The following ABCA3 variants were observed in gnomAD, a reference collection of about 807,000 sequenced individuals.
ABCA3 encodes the protein ATP binding cassette subfamily A member 3.
A neutral mutation model predicts 172.8 loss-of-function variants in ABCA3; 88 were observed. The observed-to-expected ratio is 0.51, with a 90% CI of 0.43 to 0.61. ABCA3 has a LOEUF of 0.61. ABCA3 is among the 20% of genes least tolerant of loss of function. ABCA3 has a pLI of 0.00. For missense variants in ABCA3, 2,164 were observed against 2,301.0 expected, an observed-to-expected ratio of 0.94 and a Z score of 1.22; for synonymous variants, 1,066 against 983.8, an observed-to-expected ratio of 1.08 and a Z score of -1.56.
chr16:2,324,852 C>T (rs1051222016), intron 5 of ABCA3, among the ~76,000 whole-genome samples: 29 of 152,082 alleles, frequency 1.9e-4, no homozygotes, highest in Non-Finnish European at 2.9e-4. Context: ...CTCTGCAGCC[C>T]GGGGTGGCTT....
In ABCA3 at chr16:2,288,051, C is replaced by T; in HGVS notation, c.2979G>A (p.Glu993=). The T allele has an allele frequency of 6.2e-7, 1 of 1,610,848 alleles. No homozygotes were observed. The highest frequency in any genetic ancestry group is 8.5e-7 in the Non-Finnish European group (1 of 1,180,012). ...CGAGCACCTCGCGGGGCTCCTGTCC[C>T]TCAGCCTGCAGTGCGTCTTTCAGAT... The part of the protein sequence containing the change: ...SEHLKDALQA[E]GQEPREVLGD... The change falls in exon 21 of 33, where the codon GAG becomes GAA. Residue 993 remains glutamate, a synonymous_variant. Coordinates refer to ENST00000301732, the MANE Select transcript of ABCA3 (RefSeq NM_001089.3).
Position 2,297,290 on chromosome 16 carries a change from A to G in ABCA3, c.2263+39T>C. On this transcript the variant is annotated intron_variant, in intron 17 of 32. Coordinates refer to ENST00000301732, the MANE Select transcript of ABCA3 (RefSeq NM_001089.3). This position sits in a 1 kb window ranked among gnomAD's most constrained non-coding sequence, Gnocchi z 5.6. Reference sequence around the variant, plus strand: ...CAGCCATTCCCTCAGCACGGCAGCCAGGACACCGACCCTGTCGCGGGCTGG... The same window carrying G: ...CAGCCATTCCCTCAGCACGGCAGCCGGGACACCGACCCTGTCGCGGGCTGG... 1 of 1,602,884 alleles carries G rather than the reference A, an allele frequency of 6.2e-7. No individual in the cohort carries two copies. Among genetic ancestry groups the G allele is most frequent in the Non-Finnish European group, 8.5e-7 (1 of 1,177,664 alleles).
At chr16:2,312,531 CTTT>C (rs201356602) in intron 10 of ABCA3, among the ~76,000 whole-genome samples, 5 of 139,694 alleles carry the variant, frequency 3.6e-5, no homozygotes, top group Non-Finnish European at 1.6e-5. Flanking sequence ...TGGCATTTTT[CTTT>C]TTTTTTTTTT....
In ABCA3 at chr16:2,308,643, CG is replaced by C. The variant is rs773456703; in HGVS notation, c.1112-21del. ...TGTTGGCTGCAGGTGTTGGAAGACCCGGGGGGCGTGAGCGTCAGTGCCCTCA... is the reference window on the plus strand; with the variant it reads ...TGTTGGCTGCAGGTGTTGGAAGACCCGGGGGCGTGAGCGTCAGTGCCCTCA... On this transcript the variant is annotated intron_variant, in intron 10 of 32. Transcript: ENST00000301732. 1.2e-6 allele frequency: 2 copies of C among 1,613,054 alleles called. No homozygotes were observed. Among genetic ancestry groups the C allele is most frequent in the Non-Finnish European group, 1.7e-6 (2 of 1,179,590 alleles).
Position 2,289,433 on chromosome 16 carries a change from C to T in ABCA3, c.2700+1G>A, listed in dbSNP as rs1313534019. 1.9e-6 allele frequency: 3 copies of T among 1,576,922 alleles called. No homozygotes were observed. In the African/African-American group the frequency reaches 4.0e-5, roughly 21 times the overall value. ...ACCCGCCCACCCACCTGGGCACTCA[C>T]CCCAGTGTTGAGCTTGACAGCGGTG... On this transcript the variant is annotated splice_donor_variant, in intron 20 of 32. Transcript: ENST00000301732. LOFTEE classifies it high-confidence loss of function.
At chr16:2,329,887 T>G (rs1187038502) in intron 1 of ABCA3, 33 bp from the exon 2 acceptor site, 1 of 152,154 alleles carries the variant, frequency 6.6e-6, no homozygotes, top group Non-Finnish European at 1.5e-5. Flanking sequence ...TGAGTGTAAT[T>G]TGGAAAATAA....
rs2093686659 is a variant in ABCA3 at position 2,300,120 on chromosome 16, G to A, written c.1496C>T (p.Ala499Val). 6 of 1,613,132 alleles carry A rather than the reference G, an allele frequency of 3.7e-6. No homozygotes were observed. The East Asian group carries it at 8.9e-5, about 24-fold the overall frequency. Reference protein sequence around the residue: ...MPSYWCGKPRAVAGKEEEDSD... With the variant: ...MPSYWCGKPRVVAGKEEEDSD... ...GTCTTCTTCCTCCTTCCCTGCAACC[G>A]CCCTTGGCTTCCCACACCAATAGGA... Residue 499 changes from alanine to valine, a missense_variant, in exon 13 of 33, where the codon GCG becomes GTG. Physicochemically the swap from Ala to Val is moderately conservative, Grantham distance 64 (BLOSUM62 0). This residue lies in a region of ABCA3 where 1,343 missense variants were observed against 1,369.6 expected (regional missense o/e 0.98). Coordinates refer to ENST00000301732, the MANE Select transcript of ABCA3 (RefSeq NM_001089.3).
Position 2,281,356 on chromosome 16 carries a change from A to T in ABCA3, c.4164+25T>A. On this transcript the variant is annotated intron_variant, in intron 27 of 32. Transcript: ENST00000301732. The surrounding 1 kb of genome is among the most constrained non-coding windows in gnomAD (Gnocchi z 4.7). ...GCCAGGTAGTCAGCTGGCAGGAAGG[A>T]CTCCACCCCAAATTGCAAGGGTACC... is the stretch of plus-strand genomic sequence containing the variant. The T allele has an allele frequency of 6.2e-7, 1 of 1,613,224 alleles. No homozygotes were observed. Among genetic ancestry groups the T allele is most frequent in the Non-Finnish European group, 8.5e-7 (1 of 1,179,874 alleles).
At chr16:2,288,472 G>T in intron 20 of ABCA3, 143 bp from the exon 21 acceptor site, 1 of 1,022,932 alleles carries the variant, frequency 9.8e-7, no homozygotes, top group Non-Finnish European at 1.4e-6. Context: ...CCAGAGCGTT[G>T]AAACGGCCGT....
rs1250673040 is a variant in ABCA3 at position 2,283,113 on chromosome 16, C to G, written c.4035+73G>C. 6.7e-7 allele frequency: 1 copy of G among 1,503,634 alleles called. No individual in the cohort carries two copies. The highest frequency in any genetic ancestry group is 9.1e-7 in the Non-Finnish European group (1 of 1,100,414). The allele number at this position is 1,503,634 out of a possible 1,614,324, so 93.1% of individuals were successfully genotyped here. Reference sequence around the variant, plus strand: ...TGGTGGAGAAGGAGGTGGAGCTGCCCCAGGTTGTGCTGGGCCCAAGCAGAG... The same window carrying G: ...TGGTGGAGAAGGAGGTGGAGCTGCCGCAGGTTGTGCTGGGCCCAAGCAGAG... On this transcript the variant is annotated intron_variant, in intron 26 of 32. Transcript: ENST00000301732. This position sits in a 1 kb window ranked among gnomAD's most constrained non-coding sequence, Gnocchi z 5.4.
chr16:2,319,928 G>T (rs1219995202), intron 7 of ABCA3, 88 bp from the exon 8 acceptor site: 3 of 1,567,086 alleles, frequency 1.9e-6, no homozygotes, highest in Non-Finnish European at 2.6e-6. Context: ...CATGGGGGAA[G>T]AGATGCTTGG....
Position 2,276,496 on chromosome 16 carries a change from G to A in ABCA3, c.*178C>T. ...ACATGGAGATGCGCATGCTGATCCT[G>A]GGCATGAGGGCTGGGCTGCACTCGT... is the stretch of plus-strand genomic sequence containing the variant. On this transcript the variant is annotated 3_prime_UTR_variant, in exon 33 of 33. Transcript: ENST00000301732. 1.9e-6 allele frequency: 2 copies of A among 1,045,458 alleles called. No individual in the cohort carries two copies. The highest frequency in any genetic ancestry group is 2.9e-5 in the South Asian group (2 of 67,800). The allele number at this position is 1,045,458 out of a possible 1,614,324, so 64.8% of individuals were successfully genotyped here.
Position 2,289,521 on chromosome 16 carries a change from G to A in ABCA3, c.2613C>T (p.Asp871=). ...HERRASDWAV[D]SNLCGAMDPS... ...GGTCCATGGCCCCACAGAGGTTGCT[G>A]TCCACAGCCCAGTCGCTGGCGCGCC... is the stretch of plus-strand genomic sequence containing the variant. Residue 871 remains aspartate, a synonymous_variant, in exon 20 of 33, where the codon GAC becomes GAT. Coordinates refer to ENST00000301732, the MANE Select transcript of ABCA3 (RefSeq NM_001089.3). 6.3e-7 allele frequency: 1 copy of A among 1,587,096 alleles called. No homozygotes were observed. The highest frequency in any genetic ancestry group is 2.3e-5 in the East Asian group (1 of 44,060).
intron 1 of ABCA3, among the ~76,000 whole-genome samples, chr16:2,334,318 G>A (rs2093748287): frequency 6.6e-6 from 1 of 152,160 alleles, no homozygotes; most frequent in Admixed American, 6.5e-5. Context: ...CTGGGCCCAT[G>A]TCATCAAGGC....
At chr16:2,311,873 T>A (rs1163441607) in intron 10 of ABCA3, among the ~76,000 whole-genome samples, 1 of 152,098 alleles carries the variant, frequency 6.6e-6, no homozygotes, top group Non-Finnish European at 1.5e-5. Flanking sequence ...TCCAGGCTGG[T>A]CTTGAACTCC....
chr16:2,312,478 T>G (rs943684265), intron 10 of ABCA3, among the ~76,000 whole-genome samples: 10 of 144,822 alleles, frequency 6.9e-5, no homozygotes, highest in Non-Finnish European at 1.1e-4. Flanking sequence ...TTTAATAAAG[T>G]TTTTTTTTTT....
chr16:2,297,230 C>A lies in ABCA3; in HGVS notation c.2263+99G>T. ...CAGACAGGAAGTCTAGAAAAGGCCA[C>A]CCCTGCCTGATCTGAGGGCCCTTCA... On this transcript the variant is annotated intron_variant, in intron 17 of 32. Transcript: ENST00000301732. The surrounding 1 kb of genome is among the most constrained non-coding windows in gnomAD (Gnocchi z 5.6). 7.3e-7 allele frequency: 1 copy of A among 1,373,968 alleles called. No homozygotes were observed. The highest frequency in any genetic ancestry group is 1.0e-6 in the Non-Finnish European group (1 of 992,102). The allele number at this position is 1,373,968 out of a possible 1,614,324, so 85.1% of individuals were successfully genotyped here.
rs775019967 is a variant in ABCA3 at position 2,317,708 on chromosome 16, G to A, written c.930C>T (p.Leu310=). ...SSWLHWSAWF[L]LFFLFLLIAA... ...CGATGAGGAGGAAGAGGAAGAACAA[G>A]AGGAACCAGGCACTCCAGTGCAGCC... The change falls in exon 9 of 33, where the codon CTC becomes CTT. Residue 310 remains leucine, a synonymous_variant. Transcript: ENST00000301732. 8 of 1,614,250 alleles carry A rather than the reference G, an allele frequency of 5.0e-6. No individual in the cohort carries two copies. In the African/African-American group the frequency reaches 9.3e-5, roughly 19 times the overall value.
In ABCA3 at chr16:2,278,477, C is replaced by G; in HGVS notation, c.4548-19G>C. 1 of 1,609,194 alleles carries G rather than the reference C, an allele frequency of 6.2e-7. No homozygotes were observed. The highest frequency in any genetic ancestry group is 1.1e-5 in the South Asian group (1 of 91,082). On this transcript the variant is annotated intron_variant, in intron 29 of 32. Transcript: ENST00000301732. The surrounding 1 kb of genome is among the most constrained non-coding windows in gnomAD (Gnocchi z 4.4). ...ACCACCACTAGAGGCAGGAGGGTGC[C>G]AGGTGGGGGAATAAGGCTGAGAGTT...
Sources: gnomAD v4.1 joint callset for allele counts (sites outside exome capture counted in the v4.1 genomes callset) on GRCh38, gnomAD v4.1.1 for gene constraint, gnomAD v4.1.1 regional missense constraint, Gnocchi (gnomAD v3.1) non-coding constraint, MANE v1.5 for transcripts, NCBI Gene and HGNC (gene_info 2026-07-23, HGNC 2026-07-21) for gene names.